The following PCDH9 variants were observed in gnomAD, a reference collection of about 807,000 sequenced individuals.
PCDH9 encodes protocadherin 9.
PCDH9 carries 24 observed loss-of-function variants against 70.6 expected under a neutral mutation model. The ratio of observed to expected loss-of-function variants is 0.34; its 90% CI spans 0.25 to 0.48. The LOEUF is 0.48. PCDH9 is among the 20% of genes least tolerant of loss of function. The pLI is 0.99. For synonymous variants in PCDH9, 562 were observed against 558.5 expected, an observed-to-expected ratio of 1.01 and a Z score of -0.09; for missense variants, 1,281 against 1,503.6, an observed-to-expected ratio of 0.85 and a Z score of 2.45.
rs118097052 is a variant in PCDH9, at chr13:66,700,419, C to T, written c.3139-69008G>A. Among the ~76,000 whole-genome samples, 58 of 152,080 alleles carry T rather than the reference C, an allele frequency of 3.8e-4. 1 individual carries two copies. The highest frequency in any genetic ancestry group is 6.8e-3 in the Middle Eastern group (2 of 294). On this transcript the variant is annotated intron_variant, in intron 3 of 4. Transcript: ENST00000377865. ...AATTGTGATTAAAACTAATATGAGC[C>T]GTTGATAAAACATGGGATTCTAAGC...
In PCDH9 at chr13:66,490,775, C is replaced by G. The variant is rs138840414; in HGVS notation, c.3340+140435G>C. Among the ~76,000 whole-genome samples the G allele has an allele frequency of 6.9e-3, 1,049 of 152,096 alleles. 35 individuals are homozygous for G. In the East Asian group the frequency reaches 0.091, roughly 13 times the overall value. ...AAAAAAAAATTCCTGATGCAAAAAACTATGAGCAAAGCTAAACAATTAAAA... is the reference window on the plus strand; with the variant it reads ...AAAAAAAAATTCCTGATGCAAAAAAGTATGAGCAAAGCTAAACAATTAAAA... On this transcript the variant is annotated intron_variant, in intron 4 of 4. Coordinates refer to ENST00000377865, the MANE Select transcript of PCDH9 (RefSeq NM_203487.3).
chr13:67,040,279 G>T (rs934621552), intron 2 of PCDH9, among the ~76,000 whole-genome samples: 2 of 152,048 alleles, frequency 1.3e-5, no homozygotes, highest in Non-Finnish European at 2.9e-5. Flanking sequence ...ATTCTTGAGG[G>T]TGAATCCCTC....
chr13:66,449,900 C>T (rs763071314), intron 4 of PCDH9, among the ~76,000 whole-genome samples: 6 of 151,778 alleles, frequency 4.0e-5, no homozygotes, highest in East Asian at 1.9e-4. Flanking sequence ...TGTGAGAGAC[C>T]TTTTAATGCC....
intron 4 of PCDH9, among the ~76,000 whole-genome samples, chr13:66,325,249 G>A (rs1342718009): frequency 6.6e-6 from 1 of 152,016 alleles, no homozygotes; most frequent in Admixed American, 6.5e-5. Flanking sequence ...GATGGATGTT[G>A]TGGTCTTTGC....
intron 3 of PCDH9, among the ~76,000 whole-genome samples, chr13:66,893,458 A>G (rs1295374931): frequency 1.3e-5 from 2 of 152,190 alleles, no homozygotes; most frequent in African/African-American, 2.4e-5. Context: ...ATGACTATAC[A>G]GGTCATCTCT....
intron 3 of PCDH9, among the ~76,000 whole-genome samples, chr13:66,786,860 A>T (rs981502347): frequency 2.0e-5 from 3 of 152,224 alleles, no homozygotes; most frequent in African/African-American, 4.8e-5. Context: ...AGATAAAAAA[A>T]TTCTCATCAT....
intron 2 of PCDH9, among the ~76,000 whole-genome samples, chr13:66,966,859 G>A (rs1206021327): frequency 6.6e-6 from 1 of 151,956 alleles, no homozygotes; most frequent in Non-Finnish European, 1.5e-5. Flanking sequence ...AAGAAAACTG[G>A]AAAATTATTA....
intron 3 of PCDH9, among the ~76,000 whole-genome samples, chr13:66,875,239 C>T (rs1308093342): frequency 6.6e-6 from 1 of 152,046 alleles, no homozygotes; most frequent in Admixed American, 6.6e-5. Flanking sequence ...AAACACATGG[C>T]TCATAAATGA....
chr13:66,420,788 C>T (rs1443683764), intron 4 of PCDH9, among the ~76,000 whole-genome samples: 1 of 152,060 alleles, frequency 6.6e-6, no homozygotes, highest in East Asian at 1.9e-4. Context: ...TCCAAAGGAT[C>T]ACAACTCCTC....
chr13:66,755,166 T>TAA (rs2079520879), intron 3 of PCDH9, among the ~76,000 whole-genome samples: 1 of 148,812 alleles, frequency 6.7e-6, no homozygotes, highest in Non-Finnish European at 1.5e-5. Flanking sequence ...AGCTGCAGTA[T>TAA]AAAAGATCAT....
intron 2 of PCDH9, among the ~76,000 whole-genome samples, chr13:67,139,966 C>T (rs1350186597): frequency 6.8e-6 from 1 of 147,104 alleles, no homozygotes; most frequent in Non-Finnish European, 1.5e-5. Context: ...AATACAACTT[C>T]ATAGGATAAT....
intron 3 of PCDH9, chr13:66,879,931 G>A (rs2081893157): frequency 1.3e-5 from 2 of 151,802 alleles, no homozygotes; most frequent in African/African-American, 4.8e-5. Flanking sequence ...AACTTGGCTT[G>A]AAGACAAGAA....
At chr13:67,110,774 A>C (rs1178404822) in intron 2 of PCDH9, among the ~76,000 whole-genome samples, 2 of 152,140 alleles carry the variant, frequency 1.3e-5, no homozygotes, top group East Asian at 3.9e-4. Flanking sequence ...TGATTTACAT[A>C]TGTCTGTTTA....
intron 2 of PCDH9, among the ~76,000 whole-genome samples, chr13:67,022,814 T>C (rs1594403931): frequency 6.6e-6 from 1 of 152,176 alleles, no homozygotes; most frequent in Non-Finnish European, 1.5e-5. Flanking sequence ...AAAAAGAGTA[T>C]TGCTTAACGT....
At chr13:66,799,028 T>C (rs1019669525) in intron 3 of PCDH9, among the ~76,000 whole-genome samples, 3 of 152,138 alleles carry the variant, frequency 2.0e-5, no homozygotes, top group Admixed American at 1.3e-4. Flanking sequence ...TTAGCCAGGT[T>C]GGTCTCAAAC....
At chr13:67,155,790 T>A (rs2087796044) in intron 2 of PCDH9, among the ~76,000 whole-genome samples, 1 of 152,000 alleles carries the variant, frequency 6.6e-6, no homozygotes, top group African/African-American at 2.4e-5. Context: ...TAATAATTAT[T>A]ATTATTATAG....
intron 4 of PCDH9, among the ~76,000 whole-genome samples, chr13:66,553,069 C>A (rs1022943084): frequency 6.6e-6 from 1 of 152,144 alleles, no homozygotes; most frequent in East Asian, 1.9e-4. Context: ...TCTCACCTGG[C>A]CCCTCCTACA....
At chr13:66,925,853 G>A (rs989954105) in intron 2 of PCDH9, among the ~76,000 whole-genome samples, 12 of 151,750 alleles carry the variant, frequency 7.9e-5, no homozygotes, top group African/African-American at 2.9e-4. Flanking sequence ...ATTCATTGCC[G>A]AGCTTCATTT....
chr13:66,534,865 A>G (rs943591152), intron 4 of PCDH9, among the ~76,000 whole-genome samples: 1 of 152,164 alleles, frequency 6.6e-6, no homozygotes, highest in Non-Finnish European at 1.5e-5. Context: ...TTCATAACAA[A>G]TTCAAAAATA....
Sources: allele counts gnomAD v4.1 joint callset (sites outside exome capture counted in the v4.1 genomes callset), GRCh38; gene constraint gnomAD v4.1.1; transcripts MANE v1.5; gene names NCBI Gene and HGNC (gene_info 2026-07-23, HGNC 2026-07-21).